The following MAP2K7 variants were observed in gnomAD, a reference collection of about 807,000 sequenced individuals.
MAP2K7 encodes the protein mitogen-activated protein kinase kinase 7.
In MAP2K7, 12 loss-of-function variants were observed where a neutral mutation model predicts 47.7. The observed-to-expected ratio is 0.25, with a 90% CI of 0.16 to 0.41. MAP2K7 has a LOEUF of 0.41. Ranked by LOEUF, MAP2K7 falls within the 10% of genes least tolerant of loss-of-function variation. The pLI is 1.00. For synonymous variants in MAP2K7, 299 were observed against 243.0 expected, an observed-to-expected ratio of 1.23 and a Z score of -2.14; for missense variants, 415 against 600.3, an observed-to-expected ratio of 0.69 and a Z score of 3.23.
At position 7,913,409 on chromosome 19, in the gene MAP2K7, C is replaced by T. The variant is rs72997866; in HGVS notation, c.*978C>T. The T allele has an allele frequency of 5.7e-3, 855 of 150,452 alleles. 7 individuals are homozygous for T. The highest frequency in any genetic ancestry group is 8.6e-3 in the Non-Finnish European group (581 of 67,784). The allele number at this position is 150,452 out of a possible 1,614,324, so 9.3% of individuals were successfully genotyped here. A position where few individuals can be genotyped will look rare whatever the true frequency, so the allele number is the denominator to read the frequency against. The stretch of plus-strand genomic sequence containing the variant: ...TGCAGAGCAGGTGACCGGAGGGAAT[C>T]GGTGACGGAGCGGGGCCAAGGGAGG... On this transcript the variant is annotated 3_prime_UTR_variant, in exon 11 of 11. Transcript: ENST00000397979.
At chr19:7,907,871 G>T (rs777112981) in intron 1 of MAP2K7, among the ~76,000 whole-genome samples, 1 of 152,170 alleles carries the variant, frequency 6.6e-6, no homozygotes, top group African/African-American at 2.4e-5. Flanking sequence ...GGCTGGGTTG[G>T]GGGGAGCACA....
chr19:7,912,834 C>T lies in MAP2K7; in HGVS notation c.*403C>T, dbSNP rs534099449. 1.3e-5 allele frequency: 3 copies of T among 229,974 alleles called. No homozygotes were observed. Among genetic ancestry groups the T allele is most frequent in the South Asian group, 1.1e-4 (2 of 17,460 alleles). The allele number at this position is 229,974 out of a possible 1,614,324, so 14.2% of individuals were successfully genotyped here. A position where few individuals can be genotyped will look rare whatever the true frequency, so the allele number is the denominator to read the frequency against. On this transcript the variant is annotated 3_prime_UTR_variant, in exon 11 of 11. Coordinates refer to ENST00000397979, the MANE Select transcript of MAP2K7 (RefSeq NM_145185.4). ...CACGCGCCCGTTCCTCTTCCGTCGC[C>T]CTCTGTCCCCTGCTCTACCTCTCTG...
intron 1 of MAP2K7, among the ~76,000 whole-genome samples, chr19:7,908,476 G>C (rs1486649064): frequency 2.0e-5 from 3 of 152,194 alleles, no homozygotes; most frequent in Non-Finnish European, 2.9e-5. Flanking sequence ...GAGGGACGGG[G>C]TTTAGCTGCC....
In MAP2K7 at chr19:7,911,059, A is replaced by G. The variant is rs772735492; in HGVS notation, c.755A>G (p.Asp252Gly). The G allele has an allele frequency of 1.2e-6, 2 of 1,612,696 alleles. No individual in the cohort carries two copies. Among genetic ancestry groups the G allele is most frequent in the South Asian group, 1.1e-5 (1 of 91,082 alleles). Reference sequence around the variant, plus strand: ...GTCAAGCCCTCCAACATCCTGCTGGACGAGCGGGGCCAGATCAAGCTCTGC... The same window carrying G: ...GTCAAGCCCTCCAACATCCTGCTGGGCGAGCGGGGCCAGATCAAGCTCTGC... Reference protein sequence around the residue: ...RDVKPSNILLDERGQIKLCDF... With the variant: ...RDVKPSNILLGERGQIKLCDF... The change falls in exon 7 of 11, where the codon GAC (aspartate) becomes GGC (glycine). Residue 252 changes from aspartate (D) to glycine (G), a missense_variant. Transcript: ENST00000397979.
intron 2 of MAP2K7, 75 bp downstream of exon 2, chr19:7,909,971 G>A: frequency 6.6e-7 from 1 of 1,508,334 alleles, no homozygotes; most frequent in Non-Finnish European, 8.9e-7. Context: ...GGAGGAGGGT[G>A]GTTAAACCGG....
intron 1 of MAP2K7, 85 bp downstream of exon 1, chr19:7,904,153 G>A: frequency 1.8e-6 from 2 of 1,100,644 alleles, no homozygotes; most frequent in Non-Finnish European, 2.3e-6. Flanking sequence ...ACAAGGCCCC[G>A]CCCCCGCTTC....
In MAP2K7 at chr19:7,912,387, A is replaced by C; in HGVS notation, c.1216A>C (p.Thr406Pro). 1.2e-6 allele frequency: 2 copies of C among 1,612,908 alleles called. No homozygotes were observed. Among genetic ancestry groups the C allele is most frequent in the Non-Finnish European group, 1.7e-6 (2 of 1,179,966 alleles). Residue 406 changes from threonine (T) to proline (P), a missense_variant, in exon 11 of 11, where the codon ACT (threonine) becomes CCT (proline). Transcript: ENST00000397979. ...DVMAKTESPR[T>P]SGVLSQPHLP... Reference sequence around the variant, plus strand: ...CATGGCGAAGACTGAGTCACCGCGGACTAGCGGCGTCCTGAGCCAGCCCCA... The same window carrying C: ...CATGGCGAAGACTGAGTCACCGCGGCCTAGCGGCGTCCTGAGCCAGCCCCA...
chr19:7,905,134 C>T (rs1488787164), intron 1 of MAP2K7, among the ~76,000 whole-genome samples: 1 of 152,140 alleles, frequency 6.6e-6, no homozygotes, highest in Non-Finnish European at 1.5e-5. Flanking sequence ...ACCCTGTGAA[C>T]ACCACCCCTG....
chr19:7,903,928 C>G lies in MAP2K7; in HGVS notation c.-17C>G, dbSNP rs772593995. The G allele has an allele frequency of 6.6e-7, 1 of 1,504,260 alleles. No individual in the cohort carries two copies. The highest frequency in any genetic ancestry group is 2.1e-5 in the Admixed American group (1 of 48,108). 93.2% of individuals were successfully genotyped at this position (1,504,260 alleles called of 1,614,324 possible). On this transcript the variant is annotated 5_prime_UTR_variant, in exon 1 of 11. Transcript: ENST00000397979. The stretch of plus-strand genomic sequence containing the variant: ...CGGGCGGCCGGGCGGTGCGCGGCGG[C>G]GGTGGCGGCGGGGAAGATGGCGGCG...
chr19:7,904,106 G>A, intron 1 of MAP2K7, 38 bp downstream of exon 1: 2 of 245,710 alleles, frequency 8.1e-6, no homozygotes, highest in Non-Finnish European at 1.3e-5. Context: ...CGGGCGGGCG[G>A]GGCGGGGCGC....
rs1188511731 is a variant in MAP2K7, at chr19:7,913,841, C to T, written c.*1410C>T. The stretch of plus-strand genomic sequence containing the variant: ...ACCAAAGGCGCAGAAGCCGGCTGGC[C>T]GTGGTGGGGGCAGCGTAGGCGTAGC... On this transcript the variant is annotated 3_prime_UTR_variant, in exon 11 of 11. Transcript: ENST00000397979. 7.9e-5 allele frequency: 12 copies of T among 152,564 alleles called. No individual in the cohort carries two copies. The highest frequency in any genetic ancestry group is 7.9e-4 in the Admixed American group (12 of 15,286). 9.5% of individuals were successfully genotyped at this position (152,564 alleles called of 1,614,324 possible).
chr19:7,904,737 G>A (rs1982336196), intron 1 of MAP2K7, among the ~76,000 whole-genome samples: 1 of 152,032 alleles, frequency 6.6e-6, no homozygotes, highest in African/African-American at 2.4e-5. Flanking sequence ...AAATCCCTGT[G>A]ACCAGTTTCA....
At chr19:7,907,973 T>C (rs1016195103) in intron 1 of MAP2K7, among the ~76,000 whole-genome samples, 1 of 152,062 alleles carries the variant, frequency 6.6e-6, no homozygotes, top group Non-Finnish European at 1.5e-5. Flanking sequence ...GGGAGAAGCC[T>C]GGCCAACATA....
chr19:7,905,915 C>T (rs1399836322), intron 1 of MAP2K7: 11 of 1,512,152 alleles, frequency 7.3e-6, no homozygotes, highest in Middle Eastern at 3.6e-4. Flanking sequence ...ACCGCTGCCC[C>T]GGCCGCAGAA....
chr19:7,911,021 C>A lies in MAP2K7; in HGVS notation c.717C>A (p.Val239=), dbSNP rs745968941. 2 of 1,612,578 alleles carry A rather than the reference C, an allele frequency of 1.2e-6. No individual in the cohort carries two copies. Among genetic ancestry groups the A allele is most frequent in the African/African-American group, 2.7e-5 (2 of 74,928 alleles). Residue 239 remains valine (V), a synonymous_variant, in exon 7 of 11, where the codon GTC becomes GTA. Transcript: ENST00000397979. ...ALYYLKEKHG[V]IHRDVKPSNI... Reference sequence around the variant, plus strand: ...ACTACCTGAAGGAGAAGCACGGTGTCATCCACCGCGACGTCAAGCCCTCCA... The same window carrying A: ...ACTACCTGAAGGAGAAGCACGGTGTAATCCACCGCGACGTCAAGCCCTCCA...
rs996238341 is a variant in MAP2K7, at chr19:7,913,709, C to T, written c.*1278C>T. 6.6e-6 allele frequency: 1 copy of T among 151,800 alleles called. No homozygotes were observed. The highest frequency in any genetic ancestry group is 2.4e-5 in the African/African-American group (1 of 41,248). The allele number at this position is 151,800 out of a possible 1,614,324, so 9.4% of individuals were successfully genotyped here. A position where few individuals can be genotyped will look rare whatever the true frequency, so the allele number is the denominator to read the frequency against. ...GCCAGAGCAGGAGGGGGTGTGTTTCCTTTTTGTGGGTGTTGCATGCAAATC... is the reference window on the plus strand; with the variant it reads ...GCCAGAGCAGGAGGGGGTGTGTTTCTTTTTTGTGGGTGTTGCATGCAAATC... On this transcript the variant is annotated 3_prime_UTR_variant, in exon 11 of 11. Transcript: ENST00000397979.
At chr19:7,904,241 A>T (rs1982287815) in intron 1 of MAP2K7, among the ~76,000 whole-genome samples, 173 bp downstream of exon 1, 4 of 151,660 alleles carry the variant, frequency 2.6e-5, no homozygotes, top group African/African-American at 9.7e-5. Flanking sequence ...GGGGGCGTGG[A>T]GCCGGCGAGC....
intron 1 of MAP2K7, chr19:7,906,052 T>C: frequency 1.7e-6 from 1 of 596,114 alleles, no homozygotes; most frequent in Non-Finnish European, 3.0e-6. Context: ...TCCCTCCTCC[T>C]CCCCCTCCCT....
Position 7,909,997 on chromosome 19 carries a change from G to T in MAP2K7, c.267-66G>T, listed in dbSNP as rs367634913. On this transcript the variant is annotated intron_variant, in intron 2 of 10. Transcript: ENST00000397979. ...GTTAAACCGGTGGGAACCCCGGTAT[G>T]GGGGACTGGGGTGGCCAACCTAAGG... 772 of 1,521,960 alleles carry T rather than the reference G, an allele frequency of 5.1e-4. 5 individuals carry two copies. In the African/African-American group the frequency reaches 9.6e-3, roughly 19 times the overall value. 94.3% of individuals were successfully genotyped at this position (1,521,960 alleles called of 1,614,324 possible).
Sources: allele counts gnomAD v4.1 joint callset (sites outside exome capture counted in the v4.1 genomes callset), GRCh38; gene constraint gnomAD v4.1.1; transcripts MANE v1.5; gene names NCBI Gene and HGNC (gene_info 2026-07-23, HGNC 2026-07-21).